Variants in SCAI observed in about 807,000 individuals in gnomAD.
SCAI encodes suppressor of cancer cell invasion.
In SCAI, 24 loss-of-function variants were observed where a neutral mutation model predicts 92.2. The observed-to-expected ratio is 0.26, with a 90% CI of 0.19 to 0.37. The LOEUF (loss-of-function observed/expected upper bound fraction) is 0.37, where lower values mean the gene tolerates loss of function less well. Among genes scored for constraint, SCAI ranks in the 10% least tolerant of loss-of-function variants. The pLI, the probability that SCAI is intolerant of heterozygous loss-of-function variation, is 1.00. For synonymous variants in SCAI, 261 were observed against 258.6 expected (o/e 1.01, Z -0.09); for missense variants, 450 against 736.2 (o/e 0.61, Z 4.50).
chr9:125,126,156 G>A (rs980137027), intron 2 of SCAI, among the ~76,000 whole-genome samples: 1 of 152,180 alleles, frequency 6.6e-6, no homozygotes, highest in African/African-American at 2.4e-5. Context: ...GGCTCAACTA[G>A]AGTAGGAGGA....
intron 3 of SCAI, among the ~76,000 whole-genome samples, chr9:125,030,789 G>A (rs1666717905): frequency 6.6e-6 from 1 of 152,138 alleles, no homozygotes; most frequent in South Asian, 2.1e-4. Flanking sequence ...GCTAGCCCTG[G>A]ATGCTATTAG....
At chr9:125,127,415 T>A (rs1835300785) in intron 2 of SCAI, among the ~76,000 whole-genome samples, 1 of 151,596 alleles carries the variant, frequency 6.6e-6, no homozygotes, top group Admixed American at 6.6e-5. Context: ...ATTTTTTTTT[T>A]TTTTTTTGAG....
chr9:125,095,157 G>A (rs1398951150), intron 2 of SCAI, among the ~76,000 whole-genome samples: 1 of 152,086 alleles, frequency 6.6e-6, no homozygotes, highest in African/African-American at 2.4e-5. Context: ...AGTAACCAAC[G>A]GAGACAAAGG....
chr9:125,086,497 C>T (rs1039583363), intron 2 of SCAI, among the ~76,000 whole-genome samples: 3 of 152,198 alleles, frequency 2.0e-5, no homozygotes, highest in Non-Finnish European at 4.4e-5. Context: ...GAAAAAAGGT[C>T]ACCATTCAAT....
rs1031550714 is a variant in SCAI at position 125,055,748 on chromosome 9, A to G, written c.230+128T>C. On this transcript the variant is annotated intron_variant, in intron 3 of 17. Transcript: ENST00000336505. ...TAAAAATGATGTCAAAGAAAAAATC[A>G]TGATCACTCTAATACAGAAATTTAT... 9 of 577,434 alleles carry G rather than the reference A, an allele frequency of 1.6e-5. No homozygotes were observed. The East Asian group carries it at 2.9e-4, about 18-fold the overall frequency. The allele number at this position is 577,434 out of a possible 1,614,324, so 35.8% of individuals were successfully genotyped here. A position where few individuals can be genotyped will look rare whatever the true frequency, so the allele number is the denominator to read the frequency against.
intron 2 of SCAI, among the ~76,000 whole-genome samples, chr9:125,110,574 T>C (rs1834910114): frequency 6.6e-6 from 1 of 152,158 alleles, no homozygotes; most frequent in African/African-American, 2.4e-5. Context: ...TTCCTCATGA[T>C]TTCAATTGGC....
intron 2 of SCAI, among the ~76,000 whole-genome samples, chr9:125,126,392 G>GTGTGTGT: frequency 8.7e-6 from 1 of 115,118 alleles, no homozygotes; most frequent in South Asian, 2.6e-4. Flanking sequence ...GTGAGTTGGG[G>GTGTGTGT]GTGTGTGTGT....
At chr9:125,003,015 TTTACCTAAACTC>T in intron 11 of SCAI, 87 bp downstream of exon 11, 2 of 731,242 alleles carry the variant, frequency 2.7e-6, no homozygotes, top group South Asian at 3.9e-5. Context: ...ATTTTTATAT[TTTACCTAAACTC>T]TTAAGTATTT....
At chr9:125,120,989 A>G (rs1389288829) in intron 2 of SCAI, among the ~76,000 whole-genome samples, 1 of 152,138 alleles carries the variant, frequency 6.6e-6, no homozygotes, top group Non-Finnish European at 1.5e-5. Context: ...AATTAAATAC[A>G]GAGTTGGAAG....
chr9:124,997,509 A>G (rs527782770), intron 13 of SCAI, among the ~76,000 whole-genome samples: 163 of 152,310 alleles, frequency 1.1e-3, no homozygotes, highest in African/African-American at 3.6e-3. Context: ...TTATAACCAG[A>G]TTGCTCTCAG....
chr9:125,094,013 A>G (rs780180505), intron 2 of SCAI, among the ~76,000 whole-genome samples: 5 of 151,804 alleles, frequency 3.3e-5, no homozygotes, highest in Non-Finnish European at 7.4e-5. Context: ...TATTCACCCC[A>G]AAAACCTACT....
chr9:124,969,140 TC>T (rs1831601627), intron 17 of SCAI, among the ~76,000 whole-genome samples: 1 of 152,112 alleles, frequency 6.6e-6, no homozygotes, highest in Non-Finnish European at 1.5e-5. Context: ...AAATGAGGTC[TC>T]ACTATGTTAC....
intron 14 of SCAI, among the ~76,000 whole-genome samples, chr9:124,981,203 T>C (rs1831879426): frequency 6.6e-6 from 1 of 152,230 alleles, no homozygotes; most frequent in African/African-American, 2.4e-5. Context: ...TTTTGTATGT[T>C]TGTCCTATAT....
At chr9:125,037,536 ATTTGT>A (rs1449431093) in intron 3 of SCAI, among the ~76,000 whole-genome samples, 1 of 152,110 alleles carries the variant, frequency 6.6e-6, no homozygotes, top group Non-Finnish European at 1.5e-5. Context: ...TCCTGGTCAT[ATTTGT>A]TTTGTCACCT....
At chr9:125,105,059 A>G (rs1834750355) in intron 2 of SCAI, among the ~76,000 whole-genome samples, 1 of 152,174 alleles carries the variant, frequency 6.6e-6, no homozygotes, top group South Asian at 2.1e-4. Context: ...CTGACAGTCA[A>G]CTGATACATC....
chr9:125,067,379 T>C (rs933774137), intron 2 of SCAI, among the ~76,000 whole-genome samples: 2 of 151,964 alleles, frequency 1.3e-5, no homozygotes, highest in Non-Finnish European at 2.9e-5. Context: ...CTGCTGTCCT[T>C]AAAGAGCAGA....
chr9:124,987,093 T>C (rs1018930376), intron 14 of SCAI, among the ~76,000 whole-genome samples: 1 of 152,094 alleles, frequency 6.6e-6, no homozygotes, highest in Non-Finnish European at 1.5e-5. Flanking sequence ...AGTGCAGTGG[T>C]GCGATCTCGG....
At chr9:125,033,198 C>CA (rs1015935853) in intron 3 of SCAI, among the ~76,000 whole-genome samples, 70 of 138,832 alleles carry the variant, frequency 5.0e-4, no homozygotes, top group African/African-American at 8.5e-4. Flanking sequence ...ACTCCATCTC[C>CA]AAAAAAAAAA....
intron 9 of SCAI, among the ~76,000 whole-genome samples, chr9:125,017,637 AG>A (rs1435860695): frequency 1.3e-5 from 2 of 152,178 alleles, no homozygotes; most frequent in Non-Finnish European, 2.9e-5. Context: ...TTTCATTTCT[AG>A]TACATTAAAT....
Sources: allele counts gnomAD v4.1 joint callset (sites outside exome capture counted in the v4.1 genomes callset), GRCh38; gene constraint gnomAD v4.1.1; transcripts MANE v1.5; gene names NCBI Gene and HGNC (gene_info 2026-07-23, HGNC 2026-07-21).